MAGI1: variants seen among roughly 807,000 people sequenced by gnomAD.
The protein encoded by MAGI1 is membrane-associated guanylate kinase, WW and PDZ domain-containing protein 1.
In MAGI1, 58 loss-of-function variants were observed where a neutral mutation model predicts 139.9. The ratio of observed to expected loss-of-function variants is 0.41; its 90% confidence interval spans 0.34 to 0.52. MAGI1 has a LOEUF of 0.52. Among genes scored for constraint, MAGI1 ranks in the 20% least tolerant of loss-of-function variants. MAGI1 has a pLI of 0.12. For synonymous variants in MAGI1, 812 were observed against 737.9 expected (o/e 1.10, Z -1.63); for missense variants, 1,874 against 1,901.6 (o/e 0.99, Z 0.27).
chr3:65,843,205 C>T (rs2058868569), intron 1 of MAGI1, among the ~76,000 whole-genome samples: 2 of 152,168 alleles, frequency 1.3e-5, no homozygotes, highest in South Asian at 4.1e-4. Context: ...CTCTCATTAT[C>T]TCCTGGATCC....
intron 2 of MAGI1, among the ~76,000 whole-genome samples, chr3:65,535,414 A>G (rs1331560344): frequency 6.6e-6 from 1 of 152,230 alleles, no homozygotes; most frequent in Non-Finnish European, 1.5e-5. Flanking sequence ...CCAGTCAATA[A>G]GCCAGAGATA....
At chr3:65,493,716 G>C in intron 2 of MAGI1, 85 bp from the exon 3 acceptor site, 4 of 1,529,292 alleles carry the variant, frequency 2.6e-6, no homozygotes, top group East Asian at 2.3e-5. Context: ...AAAATAACCT[G>C]TTCAGTAAGA....
At chr3:65,607,459 C>A (rs907119963) in intron 2 of MAGI1, among the ~76,000 whole-genome samples, 1 of 151,946 alleles carries the variant, frequency 6.6e-6, no homozygotes, top group African/African-American at 2.4e-5. Context: ...TCACAGCAGC[C>A]CCCATTATAT....
chr3:65,639,871 G>A (rs1346044482), intron 1 of MAGI1, among the ~76,000 whole-genome samples: 1 of 151,806 alleles, frequency 6.6e-6, no homozygotes, highest in Non-Finnish European at 1.5e-5. Context: ...GCGTGGTGGT[G>A]CATGCCTGTA....
At chr3:65,855,797 G>A (rs2059361323) in intron 1 of MAGI1, among the ~76,000 whole-genome samples, 1 of 151,762 alleles carries the variant, frequency 6.6e-6, no homozygotes, top group South Asian at 2.1e-4. Context: ...CTCTGGTGGG[G>A]AAAAGCACCA....
chr3:65,633,931 T>A (rs1225000029), intron 1 of MAGI1, among the ~76,000 whole-genome samples: 1 of 152,206 alleles, frequency 6.6e-6, no homozygotes, highest in Admixed American at 6.5e-5. Context: ...CTGTGCCCTT[T>A]GAGAATATTC....
chr3:65,516,345 A>G (rs998856810), intron 2 of MAGI1, among the ~76,000 whole-genome samples: 2 of 151,916 alleles, frequency 1.3e-5, no homozygotes, highest in African/African-American at 4.8e-5. Context: ...CCACCCGGCT[A>G]ATTTCTGTAT....
intron 2 of MAGI1, among the ~76,000 whole-genome samples, chr3:65,539,166 T>C (rs2079093661): frequency 6.6e-6 from 1 of 151,726 alleles, no homozygotes; most frequent in Non-Finnish European, 1.5e-5. Flanking sequence ...CAGGCACACA[T>C]ATCAAGTACC....
chr3:65,857,168 G>A (rs2059401480), intron 1 of MAGI1, among the ~76,000 whole-genome samples: 1 of 151,400 alleles, frequency 6.6e-6, no homozygotes, highest in Non-Finnish European at 1.5e-5. Context: ...CCAGAGTCAT[G>A]GTCAGAAGCA....
chr3:65,599,402 CT>C (rs1395812084), intron 2 of MAGI1, among the ~76,000 whole-genome samples: 1 of 152,124 alleles, frequency 6.6e-6, no homozygotes, highest in Non-Finnish European at 1.5e-5. Flanking sequence ...GCATGTCCAT[CT>C]GAAAAATCCA....
intron 2 of MAGI1, among the ~76,000 whole-genome samples, chr3:65,537,882 C>T (rs924528506): frequency 1.1e-4 from 17 of 152,180 alleles, no homozygotes; most frequent in African/African-American, 3.6e-4. Flanking sequence ...CTTTGAGAGG[C>T]CAAGGCGGTC....
At chr3:65,386,423 G>A (rs1451005267) in intron 14 of MAGI1, among the ~76,000 whole-genome samples, 1 of 152,102 alleles carries the variant, frequency 6.6e-6, no homozygotes, top group East Asian at 1.9e-4. Context: ...TACAAAGAAA[G>A]TCTTGCTACT....
chr3:65,759,309 C>T (rs1382824487), intron 1 of MAGI1, among the ~76,000 whole-genome samples: 3 of 152,124 alleles, frequency 2.0e-5, no homozygotes, highest in Non-Finnish European at 4.4e-5. Flanking sequence ...TGTCATTTAA[C>T]CCGCCTAAGT....
chr3:65,462,900 C>G (rs1949913076), intron 5 of MAGI1, among the ~76,000 whole-genome samples: 1 of 152,114 alleles, frequency 6.6e-6, no homozygotes, highest in South Asian at 2.1e-4. Flanking sequence ...GGAGTTCACT[C>G]ATGATTTGGC....
At chr3:65,425,708 CT>C (rs1946993566) in intron 12 of MAGI1, among the ~76,000 whole-genome samples, 1 of 152,074 alleles carries the variant, frequency 6.6e-6, no homozygotes, top group South Asian at 2.1e-4. Context: ...GCTGCCAAAT[CT>C]TTTCTTGAAA....
intron 7 of MAGI1, among the ~76,000 whole-genome samples, chr3:65,446,080 T>C (rs1948657653): frequency 6.6e-6 from 1 of 152,154 alleles, no homozygotes. Flanking sequence ...CAAGAACACA[T>C]TTGGGCCATT....
At chr3:65,509,213 T>A (rs1252454017) in intron 2 of MAGI1, among the ~76,000 whole-genome samples, 1 of 152,132 alleles carries the variant, frequency 6.6e-6, no homozygotes, top group Non-Finnish European at 1.5e-5. Context: ...AAAACACAGG[T>A]ATTTAAATGA....
At chr3:65,897,083 T>A (rs934550380) in intron 1 of MAGI1, among the ~76,000 whole-genome samples, 1 of 152,210 alleles carries the variant, frequency 6.6e-6, no homozygotes, top group African/African-American at 2.4e-5. Flanking sequence ...TTATAATACC[T>A]AATACAATAC....
intron 1 of MAGI1, among the ~76,000 whole-genome samples, chr3:65,809,147 C>A (rs1179299849): frequency 1.3e-5 from 2 of 152,184 alleles, no homozygotes; most frequent in Non-Finnish European, 2.9e-5. Context: ...CTATGCTACA[C>A]ACAGACAGCA....
Sources: gnomAD v4.1 joint callset for allele counts (sites outside exome capture counted in the v4.1 genomes callset) on GRCh38, gnomAD v4.1.1 for gene constraint, MANE v1.5 for transcripts, NCBI Gene and HGNC (gene_info 2026-07-23, HGNC 2026-07-21) for gene names.